The following RPS6KB2 variants were observed in gnomAD, a reference collection of about 807,000 sequenced individuals.
The protein encoded by RPS6KB2 is ribosomal protein S6 kinase beta-2.
RPS6KB2 carries 51 observed loss-of-function variants against 58.2 expected under a neutral mutation model. The observed-to-expected ratio is 0.88, with a 90% CI of 0.70 to 1.11. RPS6KB2 has a LOEUF of 1.11. Ranked by LOEUF, RPS6KB2 falls within the 50% of genes least tolerant of loss-of-function variation. The pLI is 0.00. For synonymous variants in RPS6KB2, 293 were observed against 258.6 expected (o/e 1.13, Z -1.28); for missense variants, 671 against 655.8 (o/e 1.02, Z -0.25).
In RPS6KB2 at chr11:67,428,536, C is replaced by T. The variant is rs1181663248; in HGVS notation, c.-10C>T. On this transcript the variant is annotated 5_prime_UTR_variant, in exon 1 of 15. Coordinates refer to ENST00000312629, the MANE Select transcript of RPS6KB2 (RefSeq NM_003952.3). ...GTACGGGCCGACGGGCCCGCGGGGC[C>T]GGCGCCGCCATGGCGGCCGTGTTTG... 1 of 1,602,630 alleles carries T rather than the reference C, an allele frequency of 6.2e-7. No individual in the cohort carries two copies. Among genetic ancestry groups the T allele is most frequent in the Non-Finnish European group, 8.5e-7 (1 of 1,174,692 alleles).
At position 67,435,304 on chromosome 11, in the gene RPS6KB2, T is replaced by C. The variant is rs1483239967; in HGVS notation, c.*135T>C. 1 of 856,658 alleles carries C rather than the reference T, an allele frequency of 1.2e-6. No homozygotes were observed. The highest frequency in any genetic ancestry group is 1.7e-5 in the African/African-American group (1 of 58,328). The allele number at this position is 856,658 out of a possible 1,614,324, so 53.1% of individuals were successfully genotyped here. A position where few individuals can be genotyped will look rare whatever the true frequency, so the allele number is the denominator to read the frequency against. On this transcript the variant is annotated 3_prime_UTR_variant, in exon 15 of 15. Transcript: ENST00000312629. ...GTGAGTGCGTATGAAAGTGTGTGTC[T>C]GCTGGGGCAGCTGTGCCCCTGAATC... is the stretch of plus-strand genomic sequence containing the variant.
intron 14 of RPS6KB2, 141 bp downstream of exon 14, chr11:67,434,835 T>C (rs1284058693): frequency 2.0e-6 from 2 of 992,020 alleles, no homozygotes; most frequent in Non-Finnish European, 3.1e-6. Flanking sequence ...CCTCAGTTCC[T>C]ACACCCCTTG....
chr11:67,432,698 C>A (rs1057259038), intron 6 of RPS6KB2, 39 bp from the exon 7 acceptor site: 1 of 1,613,926 alleles, frequency 6.2e-7, no homozygotes, highest in Non-Finnish European at 8.5e-7. Context: ...TGCCAGGTCC[C>A]TGCTCTACTC....
chr11:67,434,553 T>TGTCG (rs751407490), intron 13 of RPS6KB2, 29 bp from the exon 14 acceptor site: 35 of 1,594,904 alleles, frequency 2.2e-5, no homozygotes, highest in Non-Finnish European at 2.9e-5. Flanking sequence ...AGGCACTGAG[T>TGTCG]GTCGCATGGC....
Position 67,435,337 on chromosome 11 carries a change from C to G in RPS6KB2, c.*168C>G. On this transcript the variant is annotated 3_prime_UTR_variant, in exon 15 of 15. Transcript: ENST00000312629. Reference sequence around the variant, plus strand: ...CAGCTGTGCCCCTGAATCATGGGCACGGAGGGCCGCCCGCCACGCCCCGCG... The same window carrying G: ...CAGCTGTGCCCCTGAATCATGGGCAGGGAGGGCCGCCCGCCACGCCCCGCG... 1 of 702,440 alleles carries G rather than the reference C, an allele frequency of 1.4e-6. No homozygotes were observed. Among genetic ancestry groups the G allele is most frequent in the Non-Finnish European group, 2.3e-6 (1 of 435,892 alleles). 43.5% of individuals were successfully genotyped at this position (702,440 alleles called of 1,614,324 possible). A position where few individuals can be genotyped will look rare whatever the true frequency, so the allele number is the denominator to read the frequency against.
chr11:67,432,637 C>T lies in RPS6KB2; in HGVS notation c.495C>T (p.Ile165=). The part of the protein sequence containing the change: ...ELFTHLEREG[I]FLEDTACFYL... ...TCACGCATCTGGAGCGAGAGGGCAT[C>T]TTCCTGGAAGATACGGCCTGGTGGG... The change falls in exon 6 of 15, where the codon ATC becomes ATT. Residue 165 remains isoleucine (I), a synonymous_variant. Transcript: ENST00000312629. The T allele has an allele frequency of 6.2e-7, 1 of 1,614,214 alleles. No individual in the cohort carries two copies. The highest frequency in any genetic ancestry group is 1.1e-5 in the South Asian group (1 of 91,086).
chr11:67,433,202 A>C lies in RPS6KB2; in HGVS notation c.784A>C (p.Met262Leu). The C allele has an allele frequency of 6.2e-7, 1 of 1,606,714 alleles. No homozygotes were observed. The highest frequency in any genetic ancestry group is 8.5e-7 in the Non-Finnish European group (1 of 1,179,000). The change falls in exon 9 of 15, where the codon ATG (methionine) becomes CTG (leucine). Residue 262 changes from methionine to leucine, a missense_variant. Physicochemically the swap from Met to Leu is conservative, Grantham distance 15. Transcript: ENST00000312629. ...GAGCCTGGGGGCCCTGATGTACGAC[A>C]TGCTCACTGGATCGGCAAGTCCAGC... ...WWSLGALMYD[M>L]LTGSPPFTAE... is the part of the protein sequence containing the mutation.
Position 67,434,643 on chromosome 11 carries a change from C to T in RPS6KB2, c.1217C>T (p.Pro406Leu), listed in dbSNP as rs1397391335. The change falls in exon 14 of 15, where the codon CCC becomes CTC. Residue 406 changes from proline to leucine, a missense_variant. By Grantham distance (98) the Pro-to-Leu change is moderately conservative (BLOSUM62 -3). Transcript: ENST00000312629. ...ATCAAGGAGGGCTTCTCCTTCCAGC[C>T]CAAGCTGCGCTCACCCAGGCGCCTC... ...DSIKEGFSFQ[P>L]KLRSPRRLNS... 6 of 1,610,582 alleles carry T rather than the reference C, an allele frequency of 3.7e-6. No homozygotes were observed. The highest frequency in any genetic ancestry group is 5.1e-6 in the Non-Finnish European group (6 of 1,179,348).
Position 67,434,704 on chromosome 11 carries a change from G to T in RPS6KB2, c.1268+10G>T. 6.3e-7 allele frequency: 1 copy of T among 1,586,334 alleles called. No individual in the cohort carries two copies. On this transcript the variant is annotated intron_variant, in intron 14 of 14. Coordinates refer to ENST00000312629, the MANE Select transcript of RPS6KB2 (RefSeq NM_003952.3). Reference sequence around the variant, plus strand: ...CCCGGGCCCCCGTCAGGTACTGAGGGACGTGGGGGTGTGTGGCTGGGTTAG... The same window carrying T: ...CCCGGGCCCCCGTCAGGTACTGAGGTACGTGGGGGTGTGTGGCTGGGTTAG...
chr11:67,434,096 C>T (rs763397455), intron 11 of RPS6KB2, 39 bp downstream of exon 11: 1 of 1,613,308 alleles, frequency 6.2e-7, no homozygotes, highest in Middle Eastern at 1.7e-4. Flanking sequence ...GGCTGAGTCT[C>T]CAAGGGTGCC....
At chr11:67,432,710 C>T (rs201875063) in intron 6 of RPS6KB2, 27 bp from the exon 7 acceptor site, 10 of 1,613,900 alleles carry the variant, frequency 6.2e-6, no homozygotes, top group East Asian at 2.2e-5. Context: ...GCTCTACTCC[C>T]GCCTTCACCC....
At chr11:67,429,383 C>G (rs778217520) in intron 3 of RPS6KB2, 143 bp downstream of exon 3, 1 of 1,375,546 alleles carries the variant, frequency 7.3e-7, no homozygotes, top group African/African-American at 1.4e-5. Flanking sequence ...AAGGCCAAAT[C>G]CTCTCCAATC....
In RPS6KB2 at chr11:67,431,390, A is replaced by C; in HGVS notation, c.332A>C (p.Lys111Thr). 6.2e-7 allele frequency: 1 copy of C among 1,614,040 alleles called. No individual in the cohort carries two copies. Among genetic ancestry groups the C allele is most frequent in the Non-Finnish European group, 8.5e-7 (1 of 1,179,984 alleles). The change falls in exon 5 of 15, where the codon AAG becomes ACG. Residue 111 changes from lysine (K) to threonine (T), a missense_variant. Lys to Thr is a moderately conservative substitution (Grantham distance 78, BLOSUM62 -1). Transcript: ENST00000312629. ...LRKAKIVRNA[K>T]DTAHTRAERN... Reference sequence around the variant, plus strand: ...CAGGCCAAAATTGTGCGCAATGCCAAGGACACAGCACACACACGGGCTGAG... The same window carrying C: ...CAGGCCAAAATTGTGCGCAATGCCACGGACACAGCACACACACGGGCTGAG...
chr11:67,433,991 G>T lies in RPS6KB2; in HGVS notation c.907-4G>T, dbSNP rs770236261. ...GGCCCTCACCCTCTCTCCTGGTCCC[G>T]CAGTTTCTGAAACGGAATCCCAGCC... On this transcript the variant is annotated splice_polypyrimidine_tract_variant and splice_region_variant and intron_variant, in intron 10 of 14. Coordinates refer to ENST00000312629, the MANE Select transcript of RPS6KB2 (RefSeq NM_003952.3). The T allele has an allele frequency of 6.2e-7, 1 of 1,613,966 alleles. No individual in the cohort carries two copies. The highest frequency in any genetic ancestry group is 1.3e-5 in the African/African-American group (1 of 74,928).
chr11:67,433,508 C>A, intron 10 of RPS6KB2, 61 bp downstream of exon 10: 1 of 1,327,196 alleles, frequency 7.5e-7, no homozygotes, highest in Non-Finnish European at 1.1e-6. Flanking sequence ...GTTCCTGAGT[C>A]TCTCTGGGCT....
chr11:67,428,500 T>C lies in RPS6KB2; in HGVS notation c.-46T>C. 1.3e-6 allele frequency: 2 copies of C among 1,550,624 alleles called. No homozygotes were observed. Among genetic ancestry groups the C allele is most frequent in the Non-Finnish European group, 1.8e-6 (2 of 1,135,398 alleles). On this transcript the variant is annotated 5_prime_UTR_variant, in exon 1 of 15. Coordinates refer to ENST00000312629, the MANE Select transcript of RPS6KB2 (RefSeq NM_003952.3). ...GTTTAGGTCCGGGACTGTCAGTCAGTGCGCGGCCAGGTACGGGCCGACGGG... is the reference window on the plus strand; with the variant it reads ...GTTTAGGTCCGGGACTGTCAGTCAGCGCGCGGCCAGGTACGGGCCGACGGG...
intron 4 of RPS6KB2, chr11:67,429,916 C>T (rs901163359): frequency 3.3e-4 from 80 of 243,860 alleles, no homozygotes; most frequent in African/African-American, 1.7e-3. Flanking sequence ...CAGGTTCAAG[C>T]GATTCTCGTG....
At position 67,429,422 on chromosome 11, in the gene RPS6KB2, T is replaced by G; in HGVS notation, c.241-105T>G. The G allele has an allele frequency of 3.6e-6, 5 of 1,370,322 alleles. No individual in the cohort carries two copies. The East Asian group carries it at 9.4e-5, about 26-fold the overall frequency. 84.9% of individuals were successfully genotyped at this position (1,370,322 alleles called of 1,614,324 possible). ...CTTGAAATCTTCACTGCCCCACCCT[T>G]GGCAGGGCCTAGGCCTCCTGATCCC... On this transcript the variant is annotated intron_variant, in intron 3 of 14. Transcript: ENST00000312629.
At chr11:67,431,029 ATTTTTTTTT>A (rs60580998) in intron 4 of RPS6KB2, 2 of 128,648 alleles carry the variant, frequency 1.6e-5, no homozygotes, top group Admixed American at 7.9e-5. Flanking sequence ...GGTTGCCCCC[ATTTTTTTTT>A]TTTTTTTTTT....
Sources: allele counts gnomAD v4.1 joint callset, GRCh38; gene constraint gnomAD v4.1.1; transcripts MANE v1.5; gene names NCBI Gene and HGNC (gene_info 2026-07-23, HGNC 2026-07-21).